The following CLEC4C variants were observed in gnomAD, a reference collection of about 807,000 sequenced individuals.
CLEC4C encodes C-type lectin domain family 4 member C, also known as C-type (calcium dependent, carbohydrate-recognition domain) lectin, superfamily member 11.
CLEC4C carries 17 observed loss-of-function variants against 27.7 expected under a neutral mutation model. The ratio of observed to expected loss-of-function variants is 0.61; its 90% CI spans 0.42 to 0.92. The LOEUF is 0.92. Ranked by LOEUF, CLEC4C falls within the 40% of genes least tolerant of loss-of-function variation. CLEC4C has a pLI of 0.00. For missense variants in CLEC4C, 244 were observed against 257.3 expected (o/e 0.95, Z 0.35); for synonymous variants, 80 against 80.8 (o/e 0.99, Z 0.06).
Position 7,747,319 on chromosome 12 carries a change from T to C in CLEC4C, c.30A>G (p.Arg10=). 1.2e-6 allele frequency: 2 copies of C among 1,614,088 alleles called. No individual in the cohort carries two copies. Among genetic ancestry groups the C allele is most frequent in the Non-Finnish European group, 1.7e-6 (2 of 1,179,956 alleles). MVPEEEPQD[R]EKGLWWFQLK... is the part of the protein sequence containing the mutation. ...AGAACTGAGAAGATGAGTGCTTACC[T>C]CGGTCTTGAGGCTCTTCTTCAGGCA... Residue 10 remains arginine, a splice_region_variant and synonymous_variant, in exon 1 of 6, where the codon CGA becomes CGG. Transcript: ENST00000360345.
chr12:7,729,924 T>G (rs1299886238), intron 5 of CLEC4C, among the ~76,000 whole-genome samples, 184 bp from the exon 6 acceptor site: 1 of 152,152 alleles, frequency 6.6e-6, no homozygotes, highest in East Asian at 1.9e-4. Context: ...CACTTGTGTC[T>G]CTGGTATTTC....
intron 3 of CLEC4C, 85 bp downstream of exon 3, chr12:7,741,336 A>AATTTTAGTGCT: frequency 1.3e-6 from 1 of 784,788 alleles, no homozygotes. Flanking sequence ...TGCAGTTGAT[A>AATTTTAGTGCT]ATTTTAGTGC....
At chr12:7,739,680 T>A (rs1255452375) in intron 3 of CLEC4C, among the ~76,000 whole-genome samples, 1 of 144,254 alleles carries the variant, frequency 6.9e-6, no homozygotes, top group Non-Finnish European at 1.5e-5. Context: ...AATTTTATTT[T>A]ATTTATTATC....
At chr12:7,741,576 TCTATGTTGTA>T (rs1864857039) in intron 2 of CLEC4C, 45 bp from the exon 3 acceptor site, 5 of 1,055,030 alleles carry the variant, frequency 4.7e-6, no homozygotes, top group Non-Finnish European at 6.0e-6. Flanking sequence ...TTTAAGTGGA[TCTATGTTGTA>T]CTATACAATC....
chr12:7,744,645 C>G (rs1864931207), intron 2 of CLEC4C, among the ~76,000 whole-genome samples: 1 of 152,094 alleles, frequency 6.6e-6, no homozygotes, highest in Non-Finnish European at 1.5e-5. Flanking sequence ...GAGACAGGGT[C>G]TCTCTGTCGC....
chr12:7,730,684 T>C (rs1864575533), intron 5 of CLEC4C, 113 bp downstream of exon 5: 2 of 559,748 alleles, frequency 3.6e-6, no homozygotes, highest in Non-Finnish European at 6.6e-6. Flanking sequence ...CAAATAGACC[T>C]AGGTTTTAAA....
intron 3 of CLEC4C, among the ~76,000 whole-genome samples, chr12:7,738,222 A>G (rs1210702965): frequency 1.3e-5 from 2 of 152,180 alleles, no homozygotes; most frequent in Admixed American, 6.6e-5. Flanking sequence ...AATTTTGGGA[A>G]AATTATATAA....
At chr12:7,737,156 G>A (rs777662032) in intron 4 of CLEC4C, among the ~76,000 whole-genome samples, 3 of 152,068 alleles carry the variant, frequency 2.0e-5, no homozygotes, top group East Asian at 1.9e-4. Flanking sequence ...ACTTGACCCC[G>A]GGAGGCGGAG....
intron 4 of CLEC4C, among the ~76,000 whole-genome samples, chr12:7,736,147 G>T (rs1381119313): frequency 6.6e-6 from 1 of 152,098 alleles, no homozygotes; most frequent in Admixed American, 6.6e-5. Context: ...GCTGGGTGTG[G>T]TGGCACGCAC....
Position 7,736,903 on chromosome 12 carries a change from A to AAAAT in CLEC4C, c.381+522_381+525dup, listed in dbSNP as rs533526930. ...GGGCAACAGAGCAAGACTCCGTCTC[A>AAAAT]AAATAAATAAATAAATAAATAAAAA... On this transcript the variant is annotated intron_variant, in intron 4 of 5. Coordinates refer to ENST00000360345, the MANE Select transcript of CLEC4C (RefSeq NM_001371390.1). Among the ~76,000 whole-genome samples the AAAAT allele has an allele frequency of 1.6e-4, 25 of 151,734 alleles. 1 individual carries two copies. Among genetic ancestry groups the AAAAT allele is most frequent in the South Asian group, 4.2e-4 (2 of 4,816 alleles).
At chr12:7,739,970 G>T (rs1485093781) in intron 3 of CLEC4C, among the ~76,000 whole-genome samples, 1 of 151,856 alleles carries the variant, frequency 6.6e-6, no homozygotes, top group African/African-American at 2.4e-5. Context: ...GAGTTGCTGG[G>T]ATTACAGGCA....
chr12:7,737,317 C>T, intron 4 of CLEC4C, 112 bp downstream of exon 4: 2 of 939,300 alleles, frequency 2.1e-6, no homozygotes, highest in Non-Finnish European at 3.0e-6. Flanking sequence ...TTTTTTTTTA[C>T]CCAGAAGTTT....
chr12:7,746,059 CAAA>C (rs1168974791), intron 2 of CLEC4C, among the ~76,000 whole-genome samples: 1 of 151,054 alleles, frequency 6.6e-6, no homozygotes, highest in Non-Finnish European at 1.5e-5. Context: ...ACTAAAAATA[CAAA>C]AAATTAGCCA....
intron 4 of CLEC4C, among the ~76,000 whole-genome samples, chr12:7,732,310 G>A (rs1027022673): frequency 6.6e-6 from 1 of 151,666 alleles, no homozygotes; most frequent in Admixed American, 6.6e-5. Flanking sequence ...GATTACAGGC[G>A]TGAGCCATGA....
At chr12:7,735,385 C>A (rs1021637883) in intron 4 of CLEC4C, among the ~76,000 whole-genome samples, 1 of 151,366 alleles carries the variant, frequency 6.6e-6, no homozygotes, top group Non-Finnish European at 1.5e-5. Context: ...CGCCTGTAAT[C>A]CCAGCTATTC....
In CLEC4C at chr12:7,741,482, T is replaced by C. The variant is rs781245430; in HGVS notation, c.174A>G (p.Leu58=). 6.2e-7 allele frequency: 1 copy of C among 1,612,916 alleles called. No homozygotes were observed. The highest frequency in any genetic ancestry group is 8.5e-7 in the Non-Finnish European group (1 of 1,178,844). ...YSKTVKRLSK[L]REYQQYHPSL... ...TTGGATGATACTGTTGATACTCTCG[T>C]AACTTGGACAGCCTCTTGACAGTTT... The change falls in exon 3 of 6, where the codon TTA becomes TTG. Residue 58 remains leucine, a synonymous_variant. Transcript: ENST00000360345.
intron 1 of CLEC4C, among the ~76,000 whole-genome samples, chr12:7,747,107 G>A (rs117041014): frequency 0.11 from 16,635 of 152,270 alleles, 1,241 homozygotes; most frequent in Middle Eastern, 0.23. Context: ...ACAGGCGTGA[G>A]CCACCGCGCC....
At chr12:7,747,389 G>T (rs747615063), upstream of CLEC4C, 9 of 1,606,502 alleles carry the variant, frequency 5.6e-6, no homozygotes, top group Non-Finnish European at 7.7e-6. Flanking sequence ...TATCAGGTGG[G>T]TGCAGAAGCT....
intron 3 of CLEC4C, among the ~76,000 whole-genome samples, chr12:7,739,947 G>A (rs752031848): frequency 5.6e-4 from 84 of 151,098 alleles, no homozygotes; most frequent in African/African-American, 2.0e-3. Context: ...TGATTCTCCT[G>A]CCTCAGCCTC....
Sources: allele counts gnomAD v4.1 joint callset (sites outside exome capture counted in the v4.1 genomes callset), GRCh38; gene constraint gnomAD v4.1.1; transcripts MANE v1.5; gene names NCBI Gene and HGNC (gene_info 2026-07-23, HGNC 2026-07-21).